The following RFTN2 variants were observed in gnomAD, a reference collection of about 807,000 sequenced individuals.
The protein encoded by RFTN2 is raftlin family member 2, also known as raftlin-2.
Under a neutral mutation model 52.7 loss-of-function variants are expected in RFTN2, and 34 were observed. That is an observed-to-expected ratio of 0.64 (90% CI 0.49 to 0.86). The LOEUF (loss-of-function observed/expected upper bound fraction) is 0.86, where lower values mean the gene tolerates loss of function less well. Among genes scored for constraint, RFTN2 ranks in the 40% least tolerant of loss-of-function variants. The pLI, the probability that RFTN2 is intolerant of heterozygous loss-of-function variation, is 0.00. For missense variants in RFTN2, 536 were observed against 600.1 expected (o/e 0.89, Z 1.12); for synonymous variants, 203 against 217.7 (o/e 0.93, Z 0.59).
rs192607338 is a variant in RFTN2, at chr2:197,573,581, C to T, written c.1234-1301G>A. On this transcript the variant is annotated intron_variant, in intron 8 of 8. Transcript: ENST00000295049. ...GTTTACATTTGCAGACTGATGATAC[C>T]ATAGAAAAGAAAAACCAATTTTCTG... 1.6e-4 allele frequency among the ~76,000 whole-genome samples: 25 copies of T among 152,208 alleles called. No homozygotes were observed. The East Asian group carries it at 4.8e-3, about 29-fold the overall frequency.
chr2:197,612,686 C>T (rs956137090), intron 7 of RFTN2, among the ~76,000 whole-genome samples: 7 of 152,230 alleles, frequency 4.6e-5, no homozygotes, highest in South Asian at 2.1e-4. Flanking sequence ...TATAAGATTA[C>T]AGCATCATGA....
chr2:197,638,794 G>A (rs1357830565), intron 3 of RFTN2, among the ~76,000 whole-genome samples: 1 of 121,704 alleles, frequency 8.2e-6, no homozygotes, highest in Non-Finnish European at 1.7e-5. Flanking sequence ...GATGTTAGCT[G>A]GTTATTTTGC....
At chr2:197,652,060 T>C (rs1473992975) in intron 1 of RFTN2, among the ~76,000 whole-genome samples, 1 of 152,202 alleles carries the variant, frequency 6.6e-6, no homozygotes, top group Non-Finnish European at 1.5e-5. Flanking sequence ...TTGAACCCAA[T>C]AATAGGTCTT....
chr2:197,630,464 C>A (rs1247660822), intron 5 of RFTN2, among the ~76,000 whole-genome samples: 1 of 151,926 alleles, frequency 6.6e-6, no homozygotes, highest in Admixed American at 6.6e-5. Context: ...GTGATAGACA[C>A]AAATAATTAC....
intron 7 of RFTN2, among the ~76,000 whole-genome samples, chr2:197,604,590 G>A (rs1394858054): frequency 6.6e-6 from 1 of 152,144 alleles, no homozygotes; most frequent in Non-Finnish European, 1.5e-5. Flanking sequence ...CTAAAAGTGG[G>A]GATAATGTTA....
intron 6 of RFTN2, 33 bp from the exon 7 acceptor site, chr2:197,616,012 A>G (rs1391915203): frequency 7.6e-7 from 1 of 1,322,606 alleles, no homozygotes; most frequent in African/African-American, 1.5e-5. Flanking sequence ...TCATAGTCTA[A>G]TGGCAAAGAC....
intron 6 of RFTN2, among the ~76,000 whole-genome samples, chr2:197,616,691 A>C (rs1279421536): frequency 1.3e-5 from 2 of 152,190 alleles, no homozygotes; most frequent in Non-Finnish European, 2.9e-5. Context: ...AAGTGAGGAC[A>C]AGAGTGGAGA....
chr2:197,598,576 A>C (rs1044566886), intron 7 of RFTN2, among the ~76,000 whole-genome samples: 3 of 152,162 alleles, frequency 2.0e-5, no homozygotes, highest in Admixed American at 2.0e-4. Flanking sequence ...CTAACTGTGG[A>C]TGGGGCAATT....
At chr2:197,615,596 C>T (rs933726519) in intron 7 of RFTN2, among the ~76,000 whole-genome samples, 1 of 152,168 alleles carries the variant, frequency 6.6e-6, no homozygotes, top group Admixed American at 6.5e-5. Flanking sequence ...GGCAGAAGCG[C>T]TCCTCCATCC....
rs138860159 is a variant in RFTN2, at chr2:197,626,562, C to CAAATAAATAAATAAAT, written c.928+4433_928+4448dup. 4.5e-3 allele frequency among the ~76,000 whole-genome samples: 561 copies of CAAATAAATAAATAAAT among 124,040 alleles called. 7 individuals are homozygous for CAAATAAATAAATAAAT. The highest frequency in any genetic ancestry group is 0.014 in the African/African-American group (445 of 31,474). 81.4% of individuals were successfully genotyped at this position (124,040 alleles called of 152,430 possible). On this transcript the variant is annotated intron_variant, in intron 5 of 8. Coordinates refer to ENST00000295049, the MANE Select transcript of RFTN2 (RefSeq NM_144629.3). ...CTGGGTGACAGTGAGACCCCATCTACAAATAAATAAATAAATAAATAAATA... is the reference window on the plus strand; with the variant it reads ...CTGGGTGACAGTGAGACCCCATCTACAAATAAATAAATAAATAAATAAATAAATAAATAAATAAATA...
chr2:197,603,475 T>A (rs2087911627), intron 7 of RFTN2, among the ~76,000 whole-genome samples: 1 of 152,212 alleles, frequency 6.6e-6, no homozygotes, highest in African/African-American at 2.4e-5. Flanking sequence ...AGAGATTTTT[T>A]AAATTTAAAT....
At position 197,633,848 on chromosome 2, in the gene RFTN2, A is replaced by T. The variant is rs113353048; in HGVS notation, c.588T>A (p.Ser196Arg). 7.4e-6 allele frequency: 12 copies of T among 1,613,684 alleles called. No individual in the cohort carries two copies. Among genetic ancestry groups the T allele is most frequent in the Non-Finnish European group, 1.0e-5 (12 of 1,179,862 alleles). ...GCCCACTTAACGTCCCTTCATTCCA[A>T]CTTCTACAGTTTTCATCTGAACCGT... ...VRHGSDENCRSWNEGTLSGQS... is the reference protein window; with the variant it reads ...VRHGSDENCRRWNEGTLSGQS... The change falls in exon 4 of 9, where the codon AGT (serine) becomes AGA (arginine). Residue 196 changes from serine to arginine, a missense_variant. Ser to Arg is a moderately radical substitution (Grantham distance 110). Transcript: ENST00000295049.
chr2:197,588,223 CAT>C (rs1403548144), intron 8 of RFTN2, among the ~76,000 whole-genome samples: 1 of 152,170 alleles, frequency 6.6e-6, no homozygotes, highest in Non-Finnish European at 1.5e-5. Flanking sequence ...TCTCTCTCTA[CAT>C]ATATATGTTT....
intron 7 of RFTN2, among the ~76,000 whole-genome samples, chr2:197,605,432 A>G (rs71422660): frequency 0.024 from 3,647 of 151,786 alleles, 66 homozygotes; most frequent in Non-Finnish European, 0.032. Context: ...AGCCAGGATG[A>G]TCTCGATCTC....
rs769440493 is a variant in RFTN2, at chr2:197,675,437, G to C, written c.22C>G (p.Leu8Val). 3.8e-5 allele frequency: 60 copies of C among 1,596,958 alleles called. No homozygotes were observed. Among genetic ancestry groups the C allele is most frequent in the Middle Eastern group, 1.7e-4 (1 of 6,040 alleles). The change falls in exon 1 of 9, where the codon CTA (leucine) becomes GTA (valine). Residue 8 changes from leucine to valine, a missense_variant. Transcript: ENST00000295049. MGCGLRK[L>V]EDPDDSSPGK... Reference sequence around the variant, plus strand: ...GGGCTGCTATCATCAGGGTCTTCTAGCTTTCTAAGTCCGCACCCCATGGCA... The same window carrying C: ...GGGCTGCTATCATCAGGGTCTTCTACCTTTCTAAGTCCGCACCCCATGGCA...
At chr2:197,620,199 T>A (rs78001966) in intron 5 of RFTN2, among the ~76,000 whole-genome samples, 1 of 150,770 alleles carries the variant, frequency 6.6e-6, no homozygotes, top group Non-Finnish European at 1.5e-5. Flanking sequence ...AAAAAAAAAA[T>A]AAGAAAAACA....
At chr2:197,598,725 G>A (rs1236010051) in intron 7 of RFTN2, among the ~76,000 whole-genome samples, 1 of 152,172 alleles carries the variant, frequency 6.6e-6, no homozygotes, top group African/African-American at 2.4e-5. Flanking sequence ...CTGCCCAGGT[G>A]GCCCTGATGC....
chr2:197,583,239 G>A (rs191447603), intron 8 of RFTN2, among the ~76,000 whole-genome samples: 2 of 152,288 alleles, frequency 1.3e-5, no homozygotes, highest in East Asian at 3.9e-4. Flanking sequence ...CAAGCTCGGG[G>A]ATTAGCCCAT....
chr2:197,601,740 A>G lies in RFTN2; in HGVS notation c.1155-5671T>C, dbSNP rs559765364. On this transcript the variant is annotated intron_variant, in intron 7 of 8. Transcript: ENST00000295049. ...TTTAGCATCCTAAATTAAGCATTCC[A>G]CCTTATAATGTTCAGAAGTTATAGT... Among the ~76,000 whole-genome samples, 3 of 152,280 alleles carry G rather than the reference A, an allele frequency of 2.0e-5. No homozygotes were observed. The South Asian group carries it at 6.2e-4, about 32-fold the overall frequency.
Sources: allele counts gnomAD v4.1 joint callset (sites outside exome capture counted in the v4.1 genomes callset), GRCh38; gene constraint gnomAD v4.1.1; transcripts MANE v1.5; gene names NCBI Gene and HGNC (gene_info 2026-07-23, HGNC 2026-07-21).